The following CLVS1 variants were observed in gnomAD, a reference collection of about 807,000 sequenced individuals.
CLVS1 encodes the protein clavesin 1.
Under a neutral mutation model 33.1 loss-of-function variants are expected in CLVS1, and 10 were observed. The observed-to-expected ratio is 0.30, with a 90% confidence interval of 0.19 to 0.51. The LOEUF is 0.51. Ranked by LOEUF, CLVS1 falls within the 20% of genes least tolerant of loss-of-function variation. The pLI is 0.97. For missense variants in CLVS1, 343 were observed against 433.4 expected (o/e 0.79, Z 1.85); for synonymous variants, 163 against 166.1 (o/e 0.98, Z 0.14).
chr8:61,152,312 A>G (rs1806554753), intron 2 of CLVS1, among the ~76,000 whole-genome samples: 1 of 152,180 alleles, frequency 6.6e-6, no homozygotes, highest in South Asian at 2.1e-4. Context: ...GGATCCCATC[A>G]TTAGGGCCCT....
chr8:61,252,951 G>C (rs1808984301), intron 2 of CLVS1, among the ~76,000 whole-genome samples: 1 of 152,152 alleles, frequency 6.6e-6, no homozygotes, highest in African/African-American at 2.4e-5. Flanking sequence ...GTGTGAATTT[G>C]ATCCTGTCAT....
intron 2 of CLVS1, among the ~76,000 whole-genome samples, chr8:61,306,759 C>T (rs769437826): frequency 2.0e-5 from 3 of 152,132 alleles, no homozygotes; most frequent in Non-Finnish European, 4.4e-5. Context: ...AATTTACATC[C>T]CCTCCAACAA....
chr8:61,239,924 C>T (rs1002911768), intron 2 of CLVS1, among the ~76,000 whole-genome samples: 2 of 152,114 alleles, frequency 1.3e-5, no homozygotes, highest in African/African-American at 2.4e-5. Flanking sequence ...GGGTACCATG[C>T]CCTGGGTACA....
chr8:61,088,864 A>G (rs1000535940), intron 1 of CLVS1, among the ~76,000 whole-genome samples: 5 of 147,894 alleles, frequency 3.4e-5, no homozygotes, highest in Non-Finnish European at 5.9e-5. Context: ...TGCAGTGGAG[A>G]GATCTCGGCT....
intron 1 of CLVS1, among the ~76,000 whole-genome samples, chr8:61,122,751 C>G (rs891023842): frequency 6.6e-6 from 1 of 152,116 alleles, no homozygotes; most frequent in Non-Finnish European, 1.5e-5. Context: ...AGAAAAGAAA[C>G]AGGTGTGGAT....
chr8:60,997,763 C>A, the CLVS1 span, among the ~76,000 whole-genome samples: 1 of 152,222 alleles, frequency 6.6e-6, no homozygotes, highest in South Asian at 2.1e-4. Context: ...GGTGAGGCTG[C>A]CACCATCACT....
rs558317534 is a variant in CLVS1 at position 61,308,383 on chromosome 8, G to T, written c.455+8101G>T. On this transcript the variant is annotated intron_variant, in intron 2 of 5. Coordinates refer to ENST00000325897, the MANE Select transcript of CLVS1 (RefSeq NM_173519.3). ...AAGCCAGTCACTCAGCCCCTGAGTG[G>T]TTAGATGTTTCAAAATATCCATGGA... Among the ~76,000 whole-genome samples, 4 of 152,214 alleles carry T rather than the reference G, an allele frequency of 2.6e-5. No individual in the cohort carries two copies. In the South Asian group the frequency reaches 8.3e-4, roughly 32 times the overall value.
At chr8:60,980,417 A>T in the CLVS1 span, among the ~76,000 whole-genome samples, 1 of 152,254 alleles carries the variant, frequency 6.6e-6, no homozygotes, top group Admixed American at 6.5e-5. Flanking sequence ...AATTAAGCAT[A>T]GAAACGGTAG....
intron 2 of CLVS1, among the ~76,000 whole-genome samples, chr8:61,136,885 C>T (rs576326703): frequency 6.6e-6 from 1 of 152,166 alleles, no homozygotes; most frequent in Non-Finnish European, 1.5e-5. Flanking sequence ...GTTCTGGTTT[C>T]TTTTCTGGAA....
chr8:61,067,617 C>T (rs1211761453), intron 1 of CLVS1, among the ~76,000 whole-genome samples: 4 of 152,086 alleles, frequency 2.6e-5, no homozygotes, highest in Admixed American at 6.5e-5. Context: ...TGCCTTTAAT[C>T]CCAGTGCTTT....
At chr8:61,457,804 A>G (rs770902079) in intron 4 of CLVS1, among the ~76,000 whole-genome samples, 2 of 152,244 alleles carry the variant, frequency 1.3e-5, no homozygotes, top group Non-Finnish European at 2.9e-5. Context: ...CAGTCAGCAG[A>G]TACTGAAGAA....
intron 2 of CLVS1, among the ~76,000 whole-genome samples, chr8:61,337,352 A>G (rs1230041864): frequency 1.3e-5 from 2 of 152,228 alleles, no homozygotes; most frequent in South Asian, 2.1e-4. Flanking sequence ...GTTTCTCTGT[A>G]TACTTTCAGT....
At chr8:61,475,906 C>A (rs1390526033) in intron 5 of CLVS1, among the ~76,000 whole-genome samples, 1 of 152,150 alleles carries the variant, frequency 6.6e-6, no homozygotes, top group African/African-American at 2.4e-5. Flanking sequence ...CCTAGGTTTT[C>A]TTCTAGGGTT....
chr8:61,161,692 G>T (rs1206936700), intron 2 of CLVS1, among the ~76,000 whole-genome samples: 1 of 152,192 alleles, frequency 6.6e-6, no homozygotes, highest in Non-Finnish European at 1.5e-5. Flanking sequence ...TTTTAGTTAT[G>T]CAGAATGAAT....
At chr8:61,176,785 C>A (rs949498966) in intron 2 of CLVS1, among the ~76,000 whole-genome samples, 5 of 152,164 alleles carry the variant, frequency 3.3e-5, no homozygotes, top group Non-Finnish European at 7.3e-5. Context: ...GCTTGCTACC[C>A]AGCCTGGGAA....
chr8:61,486,276 G>A (rs1803880044), intron 5 of CLVS1, among the ~76,000 whole-genome samples: 1 of 151,996 alleles, frequency 6.6e-6, no homozygotes, highest in East Asian at 1.9e-4. Flanking sequence ...CTTGCTCAGA[G>A]TCAGGCCAAA....
At chr8:61,324,024 T>G (rs1399885694) in intron 2 of CLVS1, among the ~76,000 whole-genome samples, 1 of 152,224 alleles carries the variant, frequency 6.6e-6, no homozygotes, top group African/African-American at 2.4e-5. Flanking sequence ...GTACCACATT[T>G]TCTTCATCCA....
intron 2 of CLVS1, among the ~76,000 whole-genome samples, chr8:61,175,148 A>G (rs1406935762): frequency 2.6e-5 from 4 of 152,184 alleles, no homozygotes; most frequent in Non-Finnish European, 5.9e-5. Context: ...TTTATTTGCT[A>G]TGGTCTGAAT....
rs539254127 is a variant in CLVS1, at chr8:61,059,223, T to C, written c.-243+1993T>C. Among the ~76,000 whole-genome samples, 4 of 152,172 alleles carry C rather than the reference T, an allele frequency of 2.6e-5. No individual in the cohort carries two copies. In the South Asian group the frequency reaches 8.3e-4, roughly 32 times the overall value. On this transcript the variant is annotated intron_variant, in intron 1 of 2. Transcript: ENST00000522621. The stretch of plus-strand genomic sequence containing the variant: ...GCCAAAAATTGATGTGACCAGTCTT[T>C]GTAATTTCAGTCCTTCTAGTAGATG...
Sources: gnomAD v4.1 joint callset for allele counts (sites outside exome capture counted in the v4.1 genomes callset) on GRCh38, gnomAD v4.1.1 for gene constraint, MANE v1.5 for transcripts, NCBI Gene and HGNC (gene_info 2026-07-23, HGNC 2026-07-21) for gene names.